Variants in SIGLEC5 observed in about 807,000 individuals in gnomAD.
The protein encoded by SIGLEC5 is sialic acid-binding Ig-like lectin 5.
SIGLEC5 carries 34 observed loss-of-function variants against 45.9 expected under a neutral mutation model. The observed-to-expected ratio is 0.74, with a 90% CI of 0.56 to 0.99. SIGLEC5 has a LOEUF of 0.99. Among genes scored for constraint, SIGLEC5 ranks in the 50% least tolerant of loss-of-function variants. The pLI is 0.00. For synonymous variants in SIGLEC5, 203 were observed against 258.6 expected (o/e 0.79, Z 2.06); for missense variants, 508 against 629.6 (o/e 0.81, Z 2.07).
chr19:51,623,574 A>G lies in SIGLEC5; in HGVS notation c.1464+2458T>C, dbSNP rs540224899. Among the ~76,000 whole-genome samples, 280 of 152,324 alleles carry G rather than the reference A, an allele frequency of 1.8e-3. 1 individual carries two copies. The highest frequency in any genetic ancestry group is 2.4e-3 in the Non-Finnish European group (165 of 68,036). On this transcript the variant is annotated intron_variant, in intron 8 of 8. Coordinates refer to ENST00000683636, the MANE Select transcript of SIGLEC5 (RefSeq NM_003830.4). ...TTCACTGGTAACCGAGGAAATGCAAATCAATACCATAGTGAGATAGTAAAA... is the reference window on the plus strand; with the variant it reads ...TTCACTGGTAACCGAGGAAATGCAAGTCAATACCATAGTGAGATAGTAAAA...
chr19:51,627,308 C>A, intron 6 of SIGLEC5, 60 bp from the exon 7 acceptor site: 1 of 1,569,440 alleles, frequency 6.4e-7, no homozygotes, highest in Admixed American at 1.7e-5. Flanking sequence ...TGTCCTCCCA[C>A]CTGCTGGGCA....
chr19:51,626,452 T>G (rs1013095197), intron 7 of SIGLEC5, among the ~76,000 whole-genome samples: 1 of 152,170 alleles, frequency 6.6e-6, no homozygotes, highest in African/African-American at 2.4e-5. Flanking sequence ...TGCGTTCCAT[T>G]TATATAATGG....
rs147684241 is a variant in SIGLEC5, at chr19:51,628,849, GTGTGCGTGTGTA to G, written c.739+177_739+188del. ...TGCGTGTGTGTGTGCGTGTGTGCAT[GTGTGCGTGTGTA>G]TGTGCGTGTGTGCATATGTGCCTGC... On this transcript the variant is annotated intron_variant, in intron 4 of 8. Transcript: ENST00000683636. 0.045 allele frequency among the ~76,000 whole-genome samples: 6,893 copies of G among 151,658 alleles called. 632 individuals carry two copies. The East Asian group carries it at 0.46, about 10-fold the overall frequency.
At position 51,629,056 on chromosome 19, in the gene SIGLEC5, T is replaced by C. The variant is rs929075480; in HGVS notation, c.721A>G (p.Ile241Val). 1.9e-6 allele frequency: 3 copies of C among 1,613,806 alleles called. No individual in the cohort carries two copies. Among genetic ancestry groups the C allele is most frequent in the African/African-American group, 2.7e-5 (2 of 74,852 alleles). ...TTCCTACCTATGCCGTTCCTGAAGA[T>C]GGTGATGGTCTGTGGAGCATCTGGG... ...NVSYAPQTIT[I>V]FRNGIALEIL... The change falls in exon 4 of 9, where the codon ATC becomes GTC. Residue 241 changes from isoleucine to valine, a missense_variant. By Grantham distance (29) the Ile-to-Val change is conservative. Around this residue, in one of 2 missense-constraint regions of SIGLEC5, gnomAD observed 431 missense variants for 428.8 expected, o/e 1.01. Transcript: ENST00000683636.
At chr19:51,620,716 A>C (rs1348070762) in intron 8 of SIGLEC5, among the ~76,000 whole-genome samples, 1 of 152,246 alleles carries the variant, frequency 6.6e-6, no homozygotes, top group African/African-American at 2.4e-5. Flanking sequence ...AATCTCACCC[A>C]GCATATTGAA....
chr19:51,618,443 T>TAAAAAAAA lies in SIGLEC5; in HGVS notation c.1465-6029_1465-6022dup, dbSNP rs1228951315. On this transcript the variant is annotated intron_variant, in intron 8 of 8. Coordinates refer to ENST00000683636, the MANE Select transcript of SIGLEC5 (RefSeq NM_003830.4). ...CCGCATGAGTGAGTGAGACCCTGCCTAAAAAAAAAAAAAAAAAAAAAAAAA... is the reference window on the plus strand; with the variant it reads ...CCGCATGAGTGAGTGAGACCCTGCCTAAAAAAAAAAAAAAAAAAAAAAAAAAAAAAAAA... Among the ~76,000 whole-genome samples the TAAAAAAAA allele has an allele frequency of 9.4e-3, 465 of 49,442 alleles. 43 individuals are homozygous for TAAAAAAAA. Among genetic ancestry groups the TAAAAAAAA allele is most frequent in the Non-Finnish European group, 0.012 (348 of 29,278 alleles). 32.4% of individuals were successfully genotyped at this position (49,442 alleles called of 152,430 possible).
intron 3 of SIGLEC5, 50 bp from the exon 4 acceptor site, chr19:51,629,126 G>A (rs756722578): frequency 1.3e-6 from 2 of 1,598,718 alleles, no homozygotes; most frequent in Non-Finnish European, 1.7e-6. Context: ...AGTGAGATGG[G>A]CATGGGCCCA....
At chr19:51,620,506 T>C (rs1193491682) in intron 8 of SIGLEC5, among the ~76,000 whole-genome samples, 1 of 152,180 alleles carries the variant, frequency 6.6e-6, no homozygotes, top group Non-Finnish European at 1.5e-5. Context: ...ACAGATTAAG[T>C]AGGAAAAAAT....
chr19:51,612,094 G>GTTTT lies in SIGLEC5; in HGVS notation c.*136_*137insAAAA. ...TGAGCCCACCTCTCTAATTCCATCT[G>GTTTT]CTTGGAGCACTTAAACATCAGTTAA... On this transcript the variant is annotated 3_prime_UTR_variant, in exon 9 of 9. Transcript: ENST00000683636. The GTTTT allele has an allele frequency of 7.7e-6, 1 of 129,044 alleles. No individual in the cohort carries two copies. Among genetic ancestry groups the GTTTT allele is most frequent in the Non-Finnish European group, 1.3e-5 (1 of 77,842 alleles). The allele number at this position is 129,044 out of a possible 1,614,324, so 8.0% of individuals were successfully genotyped here.
At chr19:51,625,829 T>G (rs1443438146) in intron 8 of SIGLEC5, among the ~76,000 whole-genome samples, 1 of 151,894 alleles carries the variant, frequency 6.6e-6, no homozygotes, top group Non-Finnish European at 1.5e-5. Flanking sequence ...AAACTCCATC[T>G]CAAAAACAAA....
At chr19:51,625,329 A>G (rs1201844399) in intron 8 of SIGLEC5, among the ~76,000 whole-genome samples, 2 of 152,254 alleles carry the variant, frequency 1.3e-5, no homozygotes, top group Non-Finnish European at 2.9e-5. Context: ...GGCAAGGAAC[A>G]TGGGCCTGAT....
intron 8 of SIGLEC5, among the ~76,000 whole-genome samples, chr19:51,622,826 T>C (rs1217552404): frequency 6.6e-6 from 1 of 152,242 alleles, no homozygotes; most frequent in Non-Finnish European, 1.5e-5. Context: ...AGTTCAATTT[T>C]TTTTTATTCT....
intron 3 of SIGLEC5, 126 bp downstream of exon 3, chr19:51,629,232 G>T (rs1016862306): frequency 7.2e-5 from 111 of 1,548,184 alleles, no homozygotes; most frequent in Non-Finnish European, 9.0e-5. Context: ...CCACACACAA[G>T]GTTTCTCAAG....
chr19:51,615,134 G>T (rs12459938), intron 8 of SIGLEC5, among the ~76,000 whole-genome samples: 7,805 of 152,204 alleles, frequency 0.051, 772 homozygotes, highest in East Asian at 0.48. Context: ...AAATAAAGGA[G>T]AAAACAAAGC....
intron 8 of SIGLEC5, among the ~76,000 whole-genome samples, chr19:51,617,351 G>T (rs528864708): frequency 7.9e-5 from 12 of 151,994 alleles, no homozygotes; most frequent in African/African-American, 1.2e-4. Context: ...CAGCTGAAAG[G>T]GCCCCACGAG....
chr19:51,626,591 C>A (rs561012857), intron 7 of SIGLEC5, among the ~76,000 whole-genome samples: 1 of 152,164 alleles, frequency 6.6e-6, no homozygotes, highest in East Asian at 1.9e-4. Flanking sequence ...TCCATTCACA[C>A]AAAGTACAAC....
intron 8 of SIGLEC5, 21 bp from the exon 9 acceptor site, chr19:51,612,443 G>C: frequency 6.4e-7 from 1 of 1,561,294 alleles, no homozygotes; most frequent in Non-Finnish European, 8.7e-7. Flanking sequence ...GGGAAGGAAA[G>C]GTGTCACAGT....
At chr19:51,617,890 G>T (rs546365043) in intron 8 of SIGLEC5, among the ~76,000 whole-genome samples, 4 of 151,944 alleles carry the variant, frequency 2.6e-5, no homozygotes, top group Admixed American at 1.3e-4. Flanking sequence ...TATCAACATT[G>T]TAAAGAGTTG....
rs1270445086 is a variant in SIGLEC5 at position 51,617,958 on chromosome 19, GAC to G, written c.1465-5538_1465-5537del. 1.4e-4 allele frequency among the ~76,000 whole-genome samples: 21 copies of G among 151,418 alleles called. No homozygotes were observed. In the Admixed American group the frequency reaches 1.4e-3, roughly 10 times the overall value. On this transcript the variant is annotated intron_variant, in intron 8 of 8. Coordinates refer to ENST00000683636, the MANE Select transcript of SIGLEC5 (RefSeq NM_003830.4). ...CCAAAATTCTTTTTGTTAGATGTAA[GAC>G]AGAGATATTAATTTTTTTTTGAGGC...
Sources: allele counts gnomAD v4.1 joint callset (sites outside exome capture counted in the v4.1 genomes callset), GRCh38; gene constraint gnomAD v4.1.1; regional missense constraint gnomAD v4.1.1; transcripts MANE v1.5; gene names NCBI Gene and HGNC (gene_info 2026-07-23, HGNC 2026-07-21).